Variants in ME1 observed in about 807,000 individuals in gnomAD.
ME1 encodes the protein malic enzyme 1.
In ME1, 74 loss-of-function variants were observed where a neutral mutation model predicts 66.4. The ratio of observed to expected loss-of-function variants is 1.11; its 90% CI spans 0.92 to 1.35. ME1 has a LOEUF of 1.35. Among genes scored for constraint, ME1 ranks in the 40% most tolerant of loss-of-function variants. ME1 has a pLI of 0.00. For synonymous variants in ME1, 251 were observed against 235.6 expected, an observed-to-expected ratio of 1.07 and a Z score of -0.60; for missense variants, 750 against 694.1, an observed-to-expected ratio of 1.08 and a Z score of -0.90.
At chr6:83,389,610 C>G (rs538746475) in intron 3 of ME1, among the ~76,000 whole-genome samples, 50 of 151,980 alleles carry the variant, frequency 3.3e-4, no homozygotes, top group African/African-American at 1.2e-3. Context: ...TTAGAAAATG[C>G]AGTGTAAAAA....
chr6:83,272,578 A>G (rs1306857303), intron 6 of ME1, among the ~76,000 whole-genome samples: 2 of 152,174 alleles, frequency 1.3e-5, no homozygotes, highest in Non-Finnish European at 2.9e-5. Flanking sequence ...CCACGGTTCT[A>G]TACTTCAGGA....
intron 2 of ME1, among the ~76,000 whole-genome samples, chr6:83,402,620 G>T (rs182849486): frequency 1.3e-4 from 20 of 152,174 alleles, no homozygotes; most frequent in Non-Finnish European, 2.5e-4. Flanking sequence ...GTGGAGGCGG[G>T]AAAGAGTATG....
At chr6:83,288,073 T>A (rs1345654995) in intron 6 of ME1, among the ~76,000 whole-genome samples, 1 of 152,044 alleles carries the variant, frequency 6.6e-6, no homozygotes, top group Admixed American at 6.6e-5. Flanking sequence ...CAGATAGACA[T>A]ATTGCAAAAA....
At chr6:83,276,712 C>T (rs1767188720) in intron 6 of ME1, among the ~76,000 whole-genome samples, 1 of 152,094 alleles carries the variant, frequency 6.6e-6, no homozygotes, top group Non-Finnish European at 1.5e-5. Context: ...ATTAGTTTTA[C>T]TATTTTTTCA....
intron 6 of ME1, among the ~76,000 whole-genome samples, chr6:83,292,258 A>G (rs562084758): frequency 9.9e-5 from 15 of 152,204 alleles, no homozygotes; most frequent in African/African-American, 3.1e-4. Context: ...TTGTGGTTTT[A>G]TCTACCTTTG....
At position 83,370,421 on chromosome 6, in the gene ME1, G is replaced by T. The variant is rs7757589; in HGVS notation, c.363-18282C>A. ...CAAAGGTACCATATTTAATGGGACA[G>T]ATGACAATTGTTTGAATATGACATA... On this transcript the variant is annotated intron_variant, in intron 3 of 13. Transcript: ENST00000369705. Among the ~76,000 whole-genome samples, 943 of 152,272 alleles carry T rather than the reference G, an allele frequency of 6.2e-3. 9 individuals are homozygous for T. The highest frequency in any genetic ancestry group is 0.022 in the African/African-American group (896 of 41,578).
chr6:83,234,956 A>T (rs1434054755), intron 9 of ME1, among the ~76,000 whole-genome samples: 1 of 152,206 alleles, frequency 6.6e-6, no homozygotes, highest in Admixed American at 6.5e-5. Flanking sequence ...TCAGGCATGT[A>T]CTACACACTG....
intron 10 of ME1, 72 bp from the exon 11 acceptor site, chr6:83,227,549 A>C: frequency 8.1e-7 from 1 of 1,235,522 alleles, no homozygotes; most frequent in South Asian, 1.8e-5. Flanking sequence ...CATGCCTCAA[A>C]TCAATGATAT....
intron 6 of ME1, among the ~76,000 whole-genome samples, chr6:83,298,316 A>G (rs1767640681): frequency 6.6e-6 from 1 of 152,066 alleles, no homozygotes; most frequent in African/African-American, 2.4e-5. Flanking sequence ...ACAATCAGTG[A>G]TGTTGAGCTT....
chr6:83,350,615 G>C (rs1768781023), intron 4 of ME1, among the ~76,000 whole-genome samples: 1 of 151,890 alleles, frequency 6.6e-6, no homozygotes, highest in South Asian at 2.1e-4. Context: ...ATGCCAAGTA[G>C]CTGGGACTAC....
chr6:83,415,387 T>C (rs1770141091), intron 1 of ME1, among the ~76,000 whole-genome samples: 3 of 152,224 alleles, frequency 2.0e-5, no homozygotes, highest in Admixed American at 2.0e-4. Context: ...CCATAGTTCA[T>C]TGTTTCTGCT....
chr6:83,276,120 G>A (rs961699758), intron 6 of ME1, among the ~76,000 whole-genome samples: 1 of 152,090 alleles, frequency 6.6e-6, no homozygotes, highest in Non-Finnish European at 1.5e-5. Context: ...ACTTACGGTT[G>A]AAACGAAGCA....
chr6:83,393,571 C>G (rs1346532628), intron 3 of ME1, among the ~76,000 whole-genome samples: 2 of 146,876 alleles, frequency 1.4e-5, no homozygotes, highest in East Asian at 4.0e-4. Context: ...GGAGCCCCAC[C>G]TTTTCATGTA....
At chr6:83,298,921 C>A (rs74388358) in intron 6 of ME1, among the ~76,000 whole-genome samples, 1,904 of 48,190 alleles carry the variant, frequency 0.04, 49 homozygotes, top group African/African-American at 0.13. Flanking sequence ...TTCCATTAGT[C>A]TATGTGTCTG....
intron 1 of ME1, among the ~76,000 whole-genome samples, chr6:83,421,244 T>C (rs1770260636): frequency 1.3e-5 from 2 of 152,216 alleles, no homozygotes; most frequent in African/African-American, 4.8e-5. Context: ...TTATTAATAT[T>C]GATTGGTATA....
intron 1 of ME1, among the ~76,000 whole-genome samples, chr6:83,424,833 T>C (rs926543757): frequency 5.3e-5 from 8 of 152,202 alleles, no homozygotes; most frequent in Non-Finnish European, 8.8e-5. Context: ...GGAGGGCTGA[T>C]TTTATTCTAT....
chr6:83,287,103 T>C (rs946829204), intron 6 of ME1, among the ~76,000 whole-genome samples: 1 of 152,162 alleles, frequency 6.6e-6, no homozygotes, highest in African/African-American at 2.4e-5. Flanking sequence ...CGACAAATAC[T>C]AAAAACGTTT....
chr6:83,329,155 G>A (rs989318464), intron 5 of ME1, among the ~76,000 whole-genome samples: 4 of 152,090 alleles, frequency 2.6e-5, no homozygotes, highest in African/African-American at 9.6e-5. Context: ...CATCACAAAA[G>A]CAATATTTGT....
In ME1 at chr6:83,306,078, C is replaced by T. The variant is rs190864107; in HGVS notation, c.704+9232G>A. ...CCTTATTTTAACCTACAAGATATTG[C>T]TATTGATAGTGTTTTTTGTTTTGTT... On this transcript the variant is annotated intron_variant, in intron 6 of 13. Transcript: ENST00000369705. Among the ~76,000 whole-genome samples the T allele has an allele frequency of 5.3e-3, 806 of 152,112 alleles. 8 individuals carry two copies. Among genetic ancestry groups the T allele is most frequent in the South Asian group, 0.021 (103 of 4,812 alleles).
Sources: allele counts gnomAD v4.1 joint callset (sites outside exome capture counted in the v4.1 genomes callset), GRCh38; gene constraint gnomAD v4.1.1; transcripts MANE v1.5; gene names NCBI Gene and HGNC (gene_info 2026-07-23, HGNC 2026-07-21).